The following PTPN14 variants were observed in gnomAD, a reference collection of about 807,000 sequenced individuals.
The protein encoded by PTPN14 is tyrosine-protein phosphatase non-receptor type 14.
In PTPN14, 53 loss-of-function variants were observed where a neutral mutation model predicts 126.8. The ratio of observed to expected loss-of-function variants is 0.42; its 90% CI spans 0.34 to 0.53. The LOEUF (loss-of-function observed/expected upper bound fraction) is 0.53. Among genes scored for constraint, PTPN14 ranks in the 20% least tolerant of loss-of-function variants. The pLI is 0.08. For synonymous variants in PTPN14, 630 were observed against 599.3 expected, an observed-to-expected ratio of 1.05 and a Z score of -0.75; for missense variants, 1,257 against 1,552.9, an observed-to-expected ratio of 0.81 and a Z score of 3.20.
chr1:214,394,862 T>C lies in PTPN14; in HGVS notation c.846+37A>G, dbSNP rs745434249. Reference sequence around the variant, plus strand: ...GAGTTGAAAAGTCCAAAAGCCAGTGTCTTGTCAGACCCTGACTGTTTGTCT... The same window carrying C: ...GAGTTGAAAAGTCCAAAAGCCAGTGCCTTGTCAGACCCTGACTGTTTGTCT... On this transcript the variant is annotated intron_variant, in intron 9 of 18. Transcript: ENST00000366956. 1.4e-5 allele frequency: 22 copies of C among 1,564,992 alleles called. No individual in the cohort carries two copies. In the Admixed American group the frequency reaches 3.2e-4, roughly 23 times the overall value.
intron 3 of PTPN14, among the ~76,000 whole-genome samples, chr1:214,425,130 C>T (rs1192163517): frequency 6.6e-6 from 1 of 152,084 alleles, no homozygotes; most frequent in Non-Finnish European, 1.5e-5. Flanking sequence ...CCCTACTAGC[C>T]CAGAAGTACC....
intron 1 of PTPN14, among the ~76,000 whole-genome samples, chr1:214,471,739 C>T (rs948284667): frequency 1.3e-5 from 2 of 152,178 alleles, no homozygotes; most frequent in South Asian, 2.1e-4. Flanking sequence ...AGTCCAACCA[C>T]GGCTACCTGG....
intron 16 of PTPN14, among the ~76,000 whole-genome samples, chr1:214,371,823 CTG>C (rs1658225961): frequency 6.6e-6 from 1 of 152,160 alleles, no homozygotes; most frequent in South Asian, 2.1e-4. Flanking sequence ...TTCTAATGGA[CTG>C]TGCTGAGAAG....
chr1:214,360,088 G>C (rs1043783408), intron 18 of PTPN14, among the ~76,000 whole-genome samples: 4 of 152,144 alleles, frequency 2.6e-5, no homozygotes, highest in African/African-American at 9.7e-5. Context: ...TCTGCTCTGG[G>C]AGCTCTTAAC....
At chr1:214,440,597 C>T (rs1007819028) in intron 3 of PTPN14, among the ~76,000 whole-genome samples, 7 of 152,218 alleles carry the variant, frequency 4.6e-5, no homozygotes, top group Non-Finnish European at 8.8e-5. Context: ...TACTCTCACA[C>T]TCAGCTCAAC....
chr1:214,534,386 A>G (rs1655642947), intron 1 of PTPN14, among the ~76,000 whole-genome samples: 1 of 152,206 alleles, frequency 6.6e-6, no homozygotes, highest in Non-Finnish European at 1.5e-5. Context: ...TCAAGCCACA[A>G]GAGAATGGTT....
chr1:214,531,529 C>CACACACACACACACACAA (rs1223946783), intron 1 of PTPN14: 1 of 153,326 alleles, frequency 6.5e-6, no homozygotes, highest in Non-Finnish European at 1.4e-5. Flanking sequence ...CACACACACA[C>CACACACACACACACACAA]ACACACACAC....
intron 1 of PTPN14, among the ~76,000 whole-genome samples, chr1:214,514,644 G>A (rs1034758909): frequency 2.0e-5 from 3 of 152,124 alleles, no homozygotes; most frequent in Non-Finnish European, 2.9e-5. Context: ...GGGCGGGGCT[G>A]ACTCAGGCAG....
rs1469386018 is a variant in PTPN14 at position 214,349,360 on chromosome 1, T to C, written c.*8562A>G. On this transcript the variant is annotated 3_prime_UTR_variant, in exon 19 of 19. Coordinates refer to ENST00000366956, the MANE Select transcript of PTPN14 (RefSeq NM_005401.5). ...TGTGGTGGAGGTCAGTGGGCTTCTA[T>C]GGGCTGACGCAAGAACCTTAAGAAC... 6.6e-6 allele frequency: 1 copy of C among 152,228 alleles called. No individual in the cohort carries two copies. The highest frequency in any genetic ancestry group is 1.5e-5 in the Non-Finnish European group (1 of 68,040). The allele number at this position is 152,228 out of a possible 1,614,324, so 9.4% of individuals were successfully genotyped here. A position where few individuals can be genotyped will look rare whatever the true frequency, so the allele number is the denominator to read the frequency against.
chr1:214,376,610 C>T (rs531367826), intron 14 of PTPN14, among the ~76,000 whole-genome samples, 173 bp from the exon 15 acceptor site: 8 of 152,296 alleles, frequency 5.3e-5, no homozygotes, highest in African/African-American at 1.9e-4. Context: ...TGTCTAATAA[C>T]CATTTTCCTT....
intron 3 of PTPN14, among the ~76,000 whole-genome samples, chr1:214,445,631 C>T (rs1366400138): frequency 1.3e-5 from 2 of 151,328 alleles, no homozygotes; most frequent in Non-Finnish European, 2.9e-5. Context: ...AGCCTAAATT[C>T]ACTCTTCAAA....
At position 214,425,017 on chromosome 1, in the gene PTPN14, G is replaced by T. The variant is rs566657888; in HGVS notation, c.345-10291C>A. ...ATGCCACGTTGGCCAGGCTGGTCTC[G>T]AATTCCTGGCCTCAAGTGATCCACC... On this transcript the variant is annotated intron_variant, in intron 3 of 18. Transcript: ENST00000366956. Among the ~76,000 whole-genome samples, 4 of 151,980 alleles carry T rather than the reference G, an allele frequency of 2.6e-5. No homozygotes were observed. The East Asian group carries it at 7.8e-4, about 29-fold the overall frequency.
rs751477136 is a variant in PTPN14 at position 214,380,693 on chromosome 1, G to A, written c.2545-2591C>T. ...TTCTCATTGTGTTCTGATCAAGAGG[G>A]CCCTTAGAATGGCCATCACCTCTCA... On this transcript the variant is annotated intron_variant, in intron 13 of 18. Transcript: ENST00000366956. 6.6e-5 allele frequency among the ~76,000 whole-genome samples: 10 copies of A among 152,220 alleles called. 1 individual carries two copies. The highest frequency in any genetic ancestry group is 3.2e-3 in the Middle Eastern group (1 of 316).
intron 16 of PTPN14, among the ~76,000 whole-genome samples, chr1:214,371,588 G>A (rs1658219847): frequency 6.6e-6 from 1 of 152,194 alleles, no homozygotes; most frequent in Non-Finnish European, 1.5e-5. Flanking sequence ...GCTCTATGGG[G>A]ACAGGGATGG....
intron 3 of PTPN14, among the ~76,000 whole-genome samples, chr1:214,442,776 G>A (rs567295496): frequency 1.3e-5 from 2 of 151,738 alleles, no homozygotes; most frequent in South Asian, 4.2e-4. Flanking sequence ...TGTTCTAGTA[G>A]CAGTAGGTTG....
intron 15 of PTPN14, among the ~76,000 whole-genome samples, chr1:214,375,735 C>T (rs1306644806): frequency 6.6e-6 from 1 of 152,178 alleles, no homozygotes; most frequent in East Asian, 1.9e-4. Context: ...GAAAATTACT[C>T]CACTCTTCTA....
intron 15 of PTPN14, among the ~76,000 whole-genome samples, chr1:214,374,996 C>T (rs1658307596): frequency 6.6e-6 from 1 of 152,100 alleles, no homozygotes. Context: ...GCCCATGAAA[C>T]CCACCACTGA....
At chr1:214,454,468 C>G (rs1660338155) in intron 2 of PTPN14, among the ~76,000 whole-genome samples, 1 of 152,072 alleles carries the variant, frequency 6.6e-6, no homozygotes, top group African/African-American at 2.4e-5. Flanking sequence ...CAGACCTGAC[C>G]TCCACCCCAG....
At chr1:214,398,123 G>A in intron 7 of PTPN14, 122 bp from the exon 8 acceptor site, 1 of 753,926 alleles carries the variant, frequency 1.3e-6, no homozygotes, top group Non-Finnish European at 2.2e-6. Flanking sequence ...AAGAAAACGT[G>A]GTACATGTGT....
Sources: allele counts gnomAD v4.1 joint callset (sites outside exome capture counted in the v4.1 genomes callset), GRCh38; gene constraint gnomAD v4.1.1; transcripts MANE v1.5; gene names NCBI Gene and HGNC (gene_info 2026-07-23, HGNC 2026-07-21).